Variants in PWWP3A observed in about 807,000 individuals in gnomAD.
PWWP3A encodes PWWP domain-containing DNA repair factor 3A.
A neutral mutation model predicts 79.0 loss-of-function variants in PWWP3A; 53 were observed. The ratio of observed to expected loss-of-function variants is 0.67; its 90% CI spans 0.54 to 0.84. PWWP3A has a LOEUF of 0.84. Among genes scored for constraint, PWWP3A ranks in the 40% least tolerant of loss-of-function variants. The probability of loss-of-function intolerance (pLI) is 0.00; values close to 1 mark genes in which losing one functional copy is unlikely to be tolerated. For synonymous variants in PWWP3A, 443 were observed against 394.4 expected (o/e 1.12, Z -1.46); for missense variants, 973 against 948.0 (o/e 1.03, Z -0.35).
chr19:1,375,749 A>G (rs973112849), intron 13 of PWWP3A, among the ~76,000 whole-genome samples: 2 of 142,700 alleles, frequency 1.4e-5, no homozygotes, highest in African/African-American at 2.6e-5. Flanking sequence ...TATATAAAAT[A>G]TATAATTTTA....
chr19:1,364,552 T>A lies in PWWP3A; in HGVS notation c.1257T>A (p.His419Gln). The A allele has an allele frequency of 6.2e-7, 1 of 1,608,952 alleles. No homozygotes were observed. Residue 419 changes from histidine (H) to glutamine (Q), a missense_variant, in exon 7 of 14, where the codon CAT (histidine) becomes CAA (glutamine). His to Gln is a conservative substitution (Grantham distance 24). Coordinates refer to ENST00000591337, the MANE Select transcript of PWWP3A (RefSeq NM_001369789.1). ...FEVGMLVWHKHKKYPFWPAVV... is the reference protein window; with the variant it reads ...FEVGMLVWHKQKKYPFWPAVV... ...TAGGAATGCTAGTCTGGCATAAACA[T>A]AAAAAATACCCCTTCTGGCCAGCAG...
intron 7 of PWWP3A, among the ~76,000 whole-genome samples, chr19:1,364,816 C>T (rs2082093962): frequency 6.6e-6 from 1 of 152,214 alleles, no homozygotes; most frequent in South Asian, 2.1e-4. Flanking sequence ...TTAGAAAGAC[C>T]TACTCGAAAA....
Position 1,371,149 on chromosome 19 carries a change from G to T in PWWP3A, c.1986+71G>T, listed in dbSNP as rs1472556716. ...CTGGGATTTTGCAACTCCGCACGAG[G>T]AGGCTGCCACGGTCCTCGCCCCTGC... On this transcript the variant is annotated intron_variant, in intron 12 of 13. Transcript: ENST00000591337. 5 of 1,507,146 alleles carry T rather than the reference G, an allele frequency of 3.3e-6. No individual in the cohort carries two copies. In the South Asian group the frequency reaches 6.0e-5, roughly 18 times the overall value. 93.4% of individuals were successfully genotyped at this position (1,507,146 alleles called of 1,614,324 possible). A position where few individuals can be genotyped will look rare whatever the true frequency, so the allele number is the denominator to read the frequency against.
At chr19:1,359,859 A>G (rs1412443093) in intron 4 of PWWP3A, 2 of 303,438 alleles carry the variant, frequency 6.6e-6, no homozygotes, top group South Asian at 1.3e-4. Flanking sequence ...ATTGTTTTGT[A>G]ACTTGGAGGA....
In PWWP3A at chr19:1,360,885, G is replaced by T; in HGVS notation, c.964G>T (p.Gly322Trp). 1 of 1,544,432 alleles carries T rather than the reference G, an allele frequency of 6.5e-7. No homozygotes were observed. The highest frequency in any genetic ancestry group is 2.0e-5 in the Admixed American group (1 of 49,046). ...PAVQLEPMAAGAAPSPGPGPG... is the reference protein window; with the variant it reads ...PAVQLEPMAAWAAPSPGPGPG... The stretch of plus-strand genomic sequence containing the variant: ...CGTGCAGCTGGAGCCCATGGCAGCA[G>T]GGGCCGCACCATCCCCCGGGCCGGG... Residue 322 changes from glycine to tryptophan, a missense_variant, in exon 5 of 14, where the codon GGG becomes TGG. By Grantham distance (184) the Gly-to-Trp change is radical. Coordinates refer to ENST00000591337, the MANE Select transcript of PWWP3A (RefSeq NM_001369789.1). This position sits in a 1 kb window ranked among gnomAD's most constrained non-coding sequence, Gnocchi z 4.4.
In PWWP3A at chr19:1,362,316, A is replaced by T; in HGVS notation, c.1178A>T (p.Glu393Val). 1 of 1,614,136 alleles carries T rather than the reference A, an allele frequency of 6.2e-7. No individual in the cohort carries two copies. Among genetic ancestry groups the T allele is most frequent in the Non-Finnish European group, 8.5e-7 (1 of 1,180,004 alleles). ...CGTTCTATCCTGGAGGAAGACGAGG[A>T]AGACGAGGAGCCACCAAGAGTCCTT... ...SMRSILEEDEEDEEPPRVLLY... is the reference protein window; with the variant it reads ...SMRSILEEDEVDEEPPRVLLY... The change falls in exon 6 of 14, where the codon GAA (glutamate) becomes GTA (valine). Residue 393 changes from glutamate (E) to valine (V), a missense_variant. Glu to Val is a moderately radical substitution (Grantham distance 121, BLOSUM62 -2). Transcript: ENST00000591337.
At chr19:1,367,987 C>T (rs989829499) in intron 9 of PWWP3A, among the ~76,000 whole-genome samples, 1 of 152,132 alleles carries the variant, frequency 6.6e-6, no homozygotes, top group Admixed American at 6.6e-5. Context: ...TGCAGCGGTG[C>T]GATCTCAGCT....
At chr19:1,364,325 CAAG>C in intron 6 of PWWP3A, 181 bp from the exon 7 acceptor site, 1 of 691,790 alleles carries the variant, frequency 1.4e-6, no homozygotes, top group Non-Finnish European at 2.6e-6. Flanking sequence ...TGGTTAGACT[CAAG>C]TAGTGTGGGG....
chr19:1,355,750 C>G (rs2081844271), intron 1 of PWWP3A, among the ~76,000 whole-genome samples: 1 of 151,874 alleles, frequency 6.6e-6, no homozygotes, highest in South Asian at 2.1e-4. Flanking sequence ...CTCCTCTTCC[C>G]TGCTGCGGGG....
rs2082437163 is a variant in PWWP3A at position 1,378,079 on chromosome 19, C to A, written c.*1503C>A. ...CAGCTCCGCCTCCCATGCCCGCACG[C>A]TGGGGTCTGTCTTGTCTGGAGCAGT... On this transcript the variant is annotated 3_prime_UTR_variant, in exon 14 of 14. Coordinates refer to ENST00000591337, the MANE Select transcript of PWWP3A (RefSeq NM_001369789.1). The A allele has an allele frequency of 6.6e-6, 1 of 152,304 alleles. No individual in the cohort carries two copies. Among genetic ancestry groups the A allele is most frequent in the Admixed American group, 6.5e-5 (1 of 15,286 alleles). The allele number at this position is 152,304 out of a possible 1,614,324, so 9.4% of individuals were successfully genotyped here.
Position 1,357,056 on chromosome 19 carries a change from A to C in PWWP3A, c.105A>C (p.Glu35Asp), listed in dbSNP as rs759633532. Residue 35 changes from glutamate to aspartate, a missense_variant, in exon 3 of 14, where the codon GAA becomes GAC. Transcript: ENST00000591337. ...ATSTKNKRRK[E>D]YFLAVQILSL... ...CAACAAAAAATAAGAGAAGAAAGGA[A>C]TATTTTCTAGCTGTGCAAATCCTCT... 1 of 1,613,482 alleles carries C rather than the reference A, an allele frequency of 6.2e-7. No homozygotes were observed. The highest frequency in any genetic ancestry group is 8.5e-7 in the Non-Finnish European group (1 of 1,179,844).
In PWWP3A at chr19:1,369,678, G is replaced by T. The variant is rs768748297; in HGVS notation, c.1549+32G>T. 7 of 1,612,682 alleles carry T rather than the reference G, an allele frequency of 4.3e-6. No homozygotes were observed. Among genetic ancestry groups the T allele is most frequent in the Non-Finnish European group, 2.5e-6 (3 of 1,178,630 alleles). ...CTACAGGCACATCTTGGAAAATGTG[G>T]TTTGCCTTTTAGCCCTTTAGAAAAA... On this transcript the variant is annotated intron_variant, in intron 11 of 13. Transcript: ENST00000591337. The surrounding 1 kb of genome is among the most constrained non-coding windows in gnomAD (Gnocchi z 4.0).
intron 8 of PWWP3A, among the ~76,000 whole-genome samples, chr19:1,366,958 G>A (rs1280456330): frequency 6.6e-6 from 1 of 152,246 alleles, no homozygotes; most frequent in Non-Finnish European, 1.5e-5. Flanking sequence ...GCGGGGCCCA[G>A]TCAGTGTTGC....
Position 1,370,779 on chromosome 19 carries a change from C to T in PWWP3A, c.1687C>T (p.Arg563Cys), listed in dbSNP as rs1338061718. ...RQPCRKMLPD[R>C]SRAARDRANQ... ...GCCCTGCCGGAAAATGCTCCCCGAC[C>T]GCTCGCGGGCCGCCCGGGACCGGGC... Residue 563 changes from arginine (R) to cysteine (C), a missense_variant, in exon 12 of 14, where the codon CGC becomes TGC. Physicochemically the swap from Arg to Cys is radical, Grantham distance 180. Coordinates refer to ENST00000591337, the MANE Select transcript of PWWP3A (RefSeq NM_001369789.1). 1.1e-5 allele frequency: 17 copies of T among 1,534,662 alleles called. 1 individual carries two copies. Among genetic ancestry groups the T allele is most frequent in the Admixed American group, 4.0e-5 (2 of 49,514 alleles).
At position 1,360,197 on chromosome 19, in the gene PWWP3A, C is replaced by T. The variant is rs769424395; in HGVS notation, c.276C>T (p.Arg92=). Residue 92 remains arginine (R), a synonymous_variant, in exon 5 of 14, where the codon CGC becomes CGT. Coordinates refer to ENST00000591337, the MANE Select transcript of PWWP3A (RefSeq NM_001369789.1). This position sits in a 1 kb window ranked among gnomAD's most constrained non-coding sequence, Gnocchi z 4.4. The part of the protein sequence containing the change: ...LEELAYRRSL[R]VALDVLSEGS... Reference sequence around the variant, plus strand: ...AACTGGCCTACAGACGGTCGCTTCGCGTGGCTCTGGACGTTCTGAGCGAGG... The same window carrying T: ...AACTGGCCTACAGACGGTCGCTTCGTGTGGCTCTGGACGTTCTGAGCGAGG... The T allele has an allele frequency of 5.6e-6, 9 of 1,607,846 alleles. No homozygotes were observed. The highest frequency in any genetic ancestry group is 2.2e-5 in the South Asian group (2 of 90,142).
chr19:1,369,684 C>T lies in PWWP3A; in HGVS notation c.1549+38C>T. On this transcript the variant is annotated intron_variant, in intron 11 of 13. Transcript: ENST00000591337. This position sits in a 1 kb window ranked among gnomAD's most constrained non-coding sequence, Gnocchi z 4.0. ...GCACATCTTGGAAAATGTGGTTTGC[C>T]TTTTAGCCCTTTAGAAAAACAATCT... 1 of 1,606,814 alleles carries T rather than the reference C, an allele frequency of 6.2e-7. No homozygotes were observed. Among genetic ancestry groups the T allele is most frequent in the South Asian group, 1.1e-5 (1 of 90,916 alleles).
intron 6 of PWWP3A, among the ~76,000 whole-genome samples, chr19:1,362,577 G>A (rs542934431): frequency 2.6e-5 from 4 of 152,280 alleles, no homozygotes; most frequent in East Asian, 1.9e-4. Flanking sequence ...GGAAGAGACG[G>A]CCCAGCCCTC....
rs1022830650 is a variant in PWWP3A, at chr19:1,369,200, G to A, written c.1423-65G>A. ...CTGGCTGGTCCCTGGGCTCTGCGTG[G>A]CTTCTGAACCCAGGGTGCTTGGCAC... On this transcript the variant is annotated intron_variant, in intron 9 of 13. Transcript: ENST00000591337. This position sits in a 1 kb window ranked among gnomAD's most constrained non-coding sequence, Gnocchi z 4.0. The A allele has an allele frequency of 1.1e-5, 17 of 1,508,312 alleles. No individual in the cohort carries two copies. Among genetic ancestry groups the A allele is most frequent in the Non-Finnish European group, 1.6e-5 (17 of 1,088,470 alleles). 93.4% of individuals were successfully genotyped at this position (1,508,312 alleles called of 1,614,324 possible).
rs1338858398 is a variant in PWWP3A at position 1,368,592 on chromosome 19, G to A, written c.1423-673G>A. On this transcript the variant is annotated intron_variant, in intron 9 of 13. Coordinates refer to ENST00000591337, the MANE Select transcript of PWWP3A (RefSeq NM_001369789.1). This position sits in a 1 kb window ranked among gnomAD's most constrained non-coding sequence, Gnocchi z 4.7. Reference sequence around the variant, plus strand: ...GCCCTCGGCTCCAGAGTCTTCCCTGGGTCATTGTGTGATGGTCGTGGCTTT... The same window carrying A: ...GCCCTCGGCTCCAGAGTCTTCCCTGAGTCATTGTGTGATGGTCGTGGCTTT... Among the ~76,000 whole-genome samples the A allele has an allele frequency of 6.6e-6, 1 of 152,194 alleles. No homozygotes were observed. The highest frequency in any genetic ancestry group is 1.9e-4 in the East Asian group (1 of 5,194).
Sources: allele counts gnomAD v4.1 joint callset (sites outside exome capture counted in the v4.1 genomes callset), GRCh38; gene constraint gnomAD v4.1.1; non-coding constraint Gnocchi (gnomAD v3.1); transcripts MANE v1.5; gene names NCBI Gene and HGNC (gene_info 2026-07-23, HGNC 2026-07-21).